Variants in FOCAD observed in about 807,000 individuals in gnomAD.
The protein encoded by FOCAD is KIAA1797.
Under a neutral mutation model 225.6 loss-of-function variants are expected in FOCAD, and 198 were observed. The observed-to-expected ratio is 0.88, with a 90% CI of 0.78 to 0.99. FOCAD has a LOEUF of 0.99. Among genes scored for constraint, FOCAD ranks in the 50% least tolerant of loss-of-function variants. FOCAD has a pLI of 0.00. For synonymous variants in FOCAD, 897 were observed against 755.0 expected, an observed-to-expected ratio of 1.19 and a Z score of -3.08; for missense variants, 2,713 against 2,123.6, an observed-to-expected ratio of 1.28 and a Z score of -5.46.
At chr9:20,744,226 G>C (rs991200263) in intron 5 of FOCAD, among the ~76,000 whole-genome samples, 1 of 152,156 alleles carries the variant, frequency 6.6e-6, no homozygotes, top group East Asian at 1.9e-4. Flanking sequence ...CTTGTTTACT[G>C]TGCATAAGGA....
chr9:20,840,650 C>G (rs906636986), intron 15 of FOCAD, among the ~76,000 whole-genome samples: 7 of 148,088 alleles, frequency 4.7e-5, no homozygotes, highest in Admixed American at 4.7e-4. Flanking sequence ...AGGTTTTTTT[C>G]CAATATAAGA....
chr9:20,926,054 T>C (rs534568667), intron 25 of FOCAD, among the ~76,000 whole-genome samples: 1 of 152,338 alleles, frequency 6.6e-6, no homozygotes, highest in East Asian at 1.9e-4. Context: ...TTTTGCAGCA[T>C]CTATCCTCTT....
chr9:20,966,168 C>T (rs1007237054), intron 35 of FOCAD, among the ~76,000 whole-genome samples: 3 of 152,038 alleles, frequency 2.0e-5, no homozygotes, highest in African/African-American at 7.3e-5. Context: ...TAGGAGGGTT[C>T]CAATTTCTCC....
intron 15 of FOCAD, among the ~76,000 whole-genome samples, chr9:20,860,140 A>G (rs1464568130): frequency 6.6e-6 from 1 of 152,154 alleles, no homozygotes; most frequent in Non-Finnish European, 1.5e-5. Flanking sequence ...TTCCCCTAAT[A>G]TTAACATCTT....
intron 21 of FOCAD, among the ~76,000 whole-genome samples, chr9:20,886,908 T>G (rs1464520687): frequency 6.6e-6 from 1 of 152,160 alleles, no homozygotes; most frequent in African/African-American, 2.4e-5. Flanking sequence ...CTTTCAACAC[T>G]GTGAGGTAGG....
intron 16 of FOCAD, chr9:20,863,233 T>C (rs1307965555): frequency 6.6e-6 from 1 of 151,832 alleles, no homozygotes; most frequent in Non-Finnish European, 1.5e-5. Context: ...ATTACATTTA[T>C]GCCTCTACAT....
chr9:20,876,396 A>AT (rs1317335804), intron 19 of FOCAD, among the ~76,000 whole-genome samples: 4 of 152,166 alleles, frequency 2.6e-5, no homozygotes, highest in Middle Eastern at 3.4e-3. Flanking sequence ...TTGTACATGT[A>AT]TCCCCCATCA....
chr9:20,980,584 C>G (rs1840606675), intron 37 of FOCAD, among the ~76,000 whole-genome samples: 1 of 152,140 alleles, frequency 6.6e-6, no homozygotes, highest in Non-Finnish European at 1.5e-5. Context: ...CTTGAGAAAA[C>G]TCATGCAACT....
rs559754949 is a variant in FOCAD at position 20,669,615 on chromosome 9, A to T, written c.-78+10789A>T. ...CATGGGGAAACCTGTCTCTATTGAA[A>T]ATACACAAATTAGCTGGGCATGGTG... On this transcript the variant is annotated intron_variant, in intron 2 of 45. Transcript: ENST00000380249. 4.6e-5 allele frequency among the ~76,000 whole-genome samples: 7 copies of T among 152,246 alleles called. No homozygotes were observed. In the East Asian group the frequency reaches 1.4e-3, roughly 29 times the overall value.
intron 3 of FOCAD, 61 bp downstream of exon 3, chr9:20,717,929 A>G (rs1331267895): frequency 7.8e-6 from 10 of 1,281,100 alleles, no homozygotes; most frequent in African/African-American, 2.9e-5. Context: ...GCTGGATCAC[A>G]TATGCACCTG....
At chr9:20,959,726 G>A (rs1838525382) in intron 35 of FOCAD, among the ~76,000 whole-genome samples, 2 of 151,894 alleles carry the variant, frequency 1.3e-5, no homozygotes. Flanking sequence ...GAGATTGGGG[G>A]GTGTAGTTTA....
intron 15 of FOCAD, among the ~76,000 whole-genome samples, chr9:20,829,091 A>G (rs1420683953): frequency 1.3e-5 from 2 of 152,150 alleles, no homozygotes; most frequent in African/African-American, 2.4e-5. Flanking sequence ...TAGTGCTGCC[A>G]TGAATATACG....
intron 7 of FOCAD, among the ~76,000 whole-genome samples, chr9:20,769,055 TC>T (rs1817901559): frequency 6.6e-6 from 1 of 152,198 alleles, no homozygotes; most frequent in East Asian, 1.9e-4. Context: ...TTATTTTAAA[TC>T]CGTCTCTTCT....
intron 7 of FOCAD, among the ~76,000 whole-genome samples, chr9:20,767,587 A>C (rs1830162237): frequency 6.6e-6 from 1 of 151,056 alleles, no homozygotes; most frequent in Non-Finnish European, 1.5e-5. Flanking sequence ...GATAATGAGG[A>C]TTTTTTCATG....
rs976179112 is a variant in FOCAD at position 20,826,570 on chromosome 9, C to T, written c.1920+3455C>T. Among the ~76,000 whole-genome samples, 8 of 152,214 alleles carry T rather than the reference C, an allele frequency of 5.3e-5. No homozygotes were observed. In the East Asian group the frequency reaches 7.7e-4, roughly 15 times the overall value. On this transcript the variant is annotated intron_variant, in intron 15 of 43. Transcript: ENST00000338382. ...CCTTGTGATCGTGTGAGTCAAGACT[C>T]GTTAATAAACTTCCCTTCATACATA...
intron 15 of FOCAD, among the ~76,000 whole-genome samples, chr9:20,853,090 A>C (rs2131631629): frequency 6.6e-6 from 1 of 151,886 alleles, no homozygotes; most frequent in East Asian, 1.9e-4. Flanking sequence ...TTGCTAGTTC[A>C]TCCTGGAAGA....
At chr9:20,939,341 A>G (rs1160240082) in intron 28 of FOCAD, among the ~76,000 whole-genome samples, 2 of 152,122 alleles carry the variant, frequency 1.3e-5, no homozygotes, top group Non-Finnish European at 2.9e-5. Flanking sequence ...CAACCTAGGA[A>G]TAAGATATTT....
At chr9:20,854,441 G>T (rs547492402) in intron 15 of FOCAD, among the ~76,000 whole-genome samples, 1 of 151,772 alleles carries the variant, frequency 6.6e-6, no homozygotes, top group East Asian at 1.9e-4. Context: ...CCATTTTGCA[G>T]CTGGGGAAAG....
At chr9:20,862,848 C>A in intron 16 of FOCAD, 136 bp downstream of exon 16, 1 of 900,626 alleles carries the variant, frequency 1.1e-6, no homozygotes, top group Non-Finnish European at 1.6e-6. Context: ...TGTTTATGGA[C>A]TCTTAGGAGT....
Sources: gnomAD v4.1 joint callset for allele counts (sites outside exome capture counted in the v4.1 genomes callset) on GRCh38, gnomAD v4.1.1 for gene constraint, MANE v1.5 for transcripts, NCBI Gene and HGNC (gene_info 2026-07-23, HGNC 2026-07-21) for gene names.